GALNTL6: variants seen among roughly 807,000 people sequenced by gnomAD.
The protein encoded by GALNTL6 is polypeptide N-acetylgalactosaminyltransferase-like 6.
In GALNTL6, 46 loss-of-function variants were observed where a neutral mutation model predicts 73.7. The ratio of observed to expected loss-of-function variants is 0.62; its 90% CI spans 0.49 to 0.80. The LOEUF (loss-of-function observed/expected upper bound fraction) is 0.80, where lower values mean the gene tolerates loss of function less well. Ranked by LOEUF, GALNTL6 falls within the 30% of genes least tolerant of loss-of-function variation. GALNTL6 has a pLI of 0.00. For missense variants in GALNTL6, 604 were observed against 755.0 expected (o/e 0.80, Z 2.34); for synonymous variants, 259 against 263.7 (o/e 0.98, Z 0.17).
intron 5 of GALNTL6, among the ~76,000 whole-genome samples, chr4:172,609,238 A>G (rs1738423331): frequency 6.6e-6 from 1 of 152,020 alleles, no homozygotes; most frequent in East Asian, 1.9e-4. Flanking sequence ...CATAGGGAAT[A>G]TTTCTAGATT....
At chr4:172,521,885 G>A (rs955463442) in intron 5 of GALNTL6, among the ~76,000 whole-genome samples, 1 of 152,150 alleles carries the variant, frequency 6.6e-6, no homozygotes, top group Non-Finnish European at 1.5e-5. Flanking sequence ...TGAAATTCTT[G>A]CTATCTAATC....
intron 2 of GALNTL6, among the ~76,000 whole-genome samples, chr4:171,967,221 T>G (rs1739410642): frequency 6.6e-6 from 1 of 152,220 alleles, no homozygotes; most frequent in African/African-American, 2.4e-5. Context: ...TATAAACAAG[T>G]GTTTGCTCTT....
chr4:172,269,250 T>A (rs1738555957), intron 3 of GALNTL6, among the ~76,000 whole-genome samples: 2 of 152,066 alleles, frequency 1.3e-5, no homozygotes, highest in African/African-American at 4.8e-5. Context: ...CTGTGGAATA[T>A]GGAGAGAATA....
chr4:171,990,810 CATATG>C (rs1740310339), intron 2 of GALNTL6, among the ~76,000 whole-genome samples: 1 of 152,120 alleles, frequency 6.6e-6, no homozygotes, highest in South Asian at 2.1e-4. Flanking sequence ...ATAAAGCTGA[CATATG>C]ATATCTACTG....
chr4:172,416,685 A>C (rs1405250557), intron 5 of GALNTL6, among the ~76,000 whole-genome samples: 2 of 152,154 alleles, frequency 1.3e-5, no homozygotes. Flanking sequence ...TACAAGATTT[A>C]ATTTGGAATG....
intron 5 of GALNTL6, among the ~76,000 whole-genome samples, chr4:172,790,273 A>G (rs954608820): frequency 6.6e-6 from 1 of 152,186 alleles, no homozygotes; most frequent in African/African-American, 2.4e-5. Context: ...GTGTTTCCCC[A>G]AAGTCATATG....
intron 2 of GALNTL6, among the ~76,000 whole-genome samples, chr4:171,919,414 A>G (rs890373447): frequency 3.9e-5 from 6 of 152,092 alleles, no homozygotes; most frequent in Admixed American, 3.9e-4. Flanking sequence ...TTCATTATGT[A>G]TGGGTCAGAG....
intron 2 of GALNTL6, among the ~76,000 whole-genome samples, chr4:171,836,441 G>C (rs1347698870): frequency 6.6e-6 from 1 of 151,944 alleles, no homozygotes; most frequent in Non-Finnish European, 1.5e-5. Flanking sequence ...ACAATAAAAA[G>C]ATATGAAAGA....
chr4:172,312,581 A>G (rs1344989772), intron 4 of GALNTL6, among the ~76,000 whole-genome samples: 1 of 152,138 alleles, frequency 6.6e-6, no homozygotes, highest in Non-Finnish European at 1.5e-5. Context: ...AAACTTCCCT[A>G]TGGAAACCCT....
chr4:172,945,432 C>G (rs1372459508), intron 9 of GALNTL6, among the ~76,000 whole-genome samples: 1 of 152,140 alleles, frequency 6.6e-6, no homozygotes, highest in East Asian at 1.9e-4. Context: ...TGAGCAGTTT[C>G]TTGTATATCA....
intron 5 of GALNTL6, among the ~76,000 whole-genome samples, chr4:172,598,162 C>G (rs1051608064): frequency 7.2e-5 from 11 of 152,032 alleles, no homozygotes; most frequent in Non-Finnish European, 1.0e-4. Flanking sequence ...ACTTAAAAAG[C>G]TTCTTTATTA....
chr4:173,020,340 GATAGAATGGGATAATATA>G (rs1752943448), intron 11 of GALNTL6, among the ~76,000 whole-genome samples: 2 of 152,188 alleles, frequency 1.3e-5, no homozygotes, highest in South Asian at 4.1e-4. Flanking sequence ...GGTATAATAT[GATAGAATGGGATAATATA>G]ATAGAATGGG....
intron 2 of GALNTL6, among the ~76,000 whole-genome samples, chr4:171,845,538 C>A (rs1450269538): frequency 6.6e-5 from 10 of 152,088 alleles, no homozygotes; most frequent in Admixed American, 4.6e-4. Context: ...GGTCCTAAGT[C>A]TTGTTCTTAC....
intron 5 of GALNTL6, among the ~76,000 whole-genome samples, chr4:172,575,077 C>A (rs1238091894): frequency 1.3e-5 from 2 of 152,232 alleles, no homozygotes; most frequent in East Asian, 3.9e-4. Flanking sequence ...ACAGCAAATG[C>A]AGACTCAAAT....
chr4:172,988,627 TG>T (rs1271949234), intron 10 of GALNTL6, among the ~76,000 whole-genome samples: 7 of 152,250 alleles, frequency 4.6e-5, no homozygotes, highest in Non-Finnish European at 1.0e-4. Flanking sequence ...GAGACCTTCA[TG>T]GCAGCCTCTC....
intron 2 of GALNTL6, among the ~76,000 whole-genome samples, chr4:172,021,868 A>T (rs1741413128): frequency 6.6e-6 from 1 of 152,130 alleles, no homozygotes; most frequent in Non-Finnish European, 1.5e-5. Context: ...TGGTCCTAGA[A>T]AAACTGGGTA....
At chr4:172,405,070 G>T (rs150892680) in intron 5 of GALNTL6, among the ~76,000 whole-genome samples, 16 of 151,988 alleles carry the variant, frequency 1.1e-4, no homozygotes, top group African/African-American at 3.6e-4. Context: ...TTTAGGTTTT[G>T]GCAAATTTTT....
chr4:172,718,644 AC>A (rs1341450140), intron 5 of GALNTL6, among the ~76,000 whole-genome samples: 1 of 152,010 alleles, frequency 6.6e-6, no homozygotes, highest in Non-Finnish European at 1.5e-5. Flanking sequence ...TCTCAAAAAA[AC>A]AAAAAAAAAA....
chr4:173,025,901 A>G (rs905041850), intron 12 of GALNTL6, among the ~76,000 whole-genome samples: 19 of 152,230 alleles, frequency 1.2e-4, no homozygotes, highest in African/African-American at 4.6e-4. Context: ...GAAAACTTCT[A>G]GCACAGTTTC....
Sources: allele counts gnomAD v4.1 joint callset (sites outside exome capture counted in the v4.1 genomes callset), GRCh38; gene constraint gnomAD v4.1.1; transcripts MANE v1.5; gene names NCBI Gene and HGNC (gene_info 2026-07-23, HGNC 2026-07-21).